MRPL21: variants seen among roughly 807,000 people sequenced by gnomAD.
MRPL21 encodes mitochondrial ribosomal protein L21.
A neutral mutation model predicts 27.3 loss-of-function variants in MRPL21; 20 were observed. That is an observed-to-expected ratio of 0.73 (90% CI 0.52 to 1.06). The LOEUF is 1.06. Among genes scored for constraint, MRPL21 ranks in the 50% least tolerant of loss-of-function variants. MRPL21 has a pLI of 0.00. For missense variants in MRPL21, 249 were observed against 251.4 expected (o/e 0.99, Z 0.06); for synonymous variants, 98 against 101.5 (o/e 0.97, Z 0.21).
chr11:68,899,823 C>T (rs1857890399), intron 2 of MRPL21, among the ~76,000 whole-genome samples: 1 of 152,178 alleles, frequency 6.6e-6, no homozygotes, highest in African/African-American at 2.4e-5. Flanking sequence ...TTCCAGCAGC[C>T]AATGTTTTGT....
At chr11:68,902,668 T>C (rs573180706) in intron 1 of MRPL21, among the ~76,000 whole-genome samples, 5 of 152,352 alleles carry the variant, frequency 3.3e-5, no homozygotes, top group Non-Finnish European at 4.4e-5. Flanking sequence ...CCAAAGTCCA[T>C]AGTCTACATT....
At chr11:68,896,421 C>G in intron 4 of MRPL21, 94 bp downstream of exon 4, 2 of 1,464,550 alleles carry the variant, frequency 1.4e-6, no homozygotes, top group Middle Eastern at 1.9e-4. Flanking sequence ...GAGACGGGGT[C>G]GGCGAGGGTC....
chr11:68,902,006 G>A (rs1036536031), intron 1 of MRPL21, among the ~76,000 whole-genome samples: 4 of 152,140 alleles, frequency 2.6e-5, no homozygotes, highest in Non-Finnish European at 5.9e-5. Context: ...AACTTAGCAG[G>A]CTTCTGTACC....
At chr11:68,896,884 GCA>G (rs1337961450) in intron 3 of MRPL21, 16 of 613,398 alleles carry the variant, frequency 2.6e-5, no homozygotes, top group Non-Finnish European at 4.6e-5. Flanking sequence ...TGCTTCAGGA[GCA>G]CCAGCACTGT....
chr11:68,902,265 T>C (rs1171846577), intron 1 of MRPL21, among the ~76,000 whole-genome samples: 1 of 152,226 alleles, frequency 6.6e-6, no homozygotes, highest in Non-Finnish European at 1.5e-5. Context: ...TGGTTTCATG[T>C]AGGTAGGTAG....
chr11:68,896,805 C>T, intron 3 of MRPL21, 127 bp from the exon 4 acceptor site: 2 of 1,287,798 alleles, frequency 1.6e-6, no homozygotes, highest in Non-Finnish European at 2.2e-6. Context: ...TTGTGAGCAC[C>T]TCACTGCTGG....
At chr11:68,899,008 G>A (rs1401580609) in intron 2 of MRPL21, among the ~76,000 whole-genome samples, 1 of 152,098 alleles carries the variant, frequency 6.6e-6, no homozygotes, top group East Asian at 1.9e-4. Flanking sequence ...GGCTGGTCTC[G>A]AACTCCTGGC....
intron 2 of MRPL21, among the ~76,000 whole-genome samples, chr11:68,898,818 C>T (rs1212238070): frequency 6.6e-6 from 1 of 152,068 alleles, no homozygotes; most frequent in African/African-American, 2.4e-5. Context: ...GACGGAGTCT[C>T]GCTCTGTCAC....
intron 2 of MRPL21, among the ~76,000 whole-genome samples, chr11:68,898,443 T>C (rs1006851723): frequency 2.6e-5 from 4 of 152,226 alleles, no homozygotes; most frequent in African/African-American, 9.6e-5. Flanking sequence ...GCAGCTCCAA[T>C]GACCCTTCAC....
In MRPL21 at chr11:68,893,449, G is replaced by C. The variant is rs1332146727; in HGVS notation, c.403C>G (p.Leu135Val). 1 of 1,614,036 alleles carries C rather than the reference G, an allele frequency of 6.2e-7. No individual in the cohort carries two copies. The highest frequency in any genetic ancestry group is 8.5e-7 in the Non-Finnish European group (1 of 1,180,034). ...AGCGTGAAGTTGTCTGCCCCAACCA[G>C]CAGGACCTGAAAAATTCAACAGGTG... ...GERIRLEKVL[L>V]VGADNFTLLG... Residue 135 changes from leucine to valine, a missense_variant, in exon 5 of 7, where the codon CTG (leucine) becomes GTG (valine). Coordinates refer to ENST00000362034, the MANE Select transcript of MRPL21 (RefSeq NM_181514.2).
At chr11:68,899,546 A>G (rs1342812492) in intron 2 of MRPL21, among the ~76,000 whole-genome samples, 1 of 152,196 alleles carries the variant, frequency 6.6e-6, no homozygotes, top group Non-Finnish European at 1.5e-5. Flanking sequence ...CAAGGAGGAC[A>G]AGGAAGGTGC....
At chr11:68,894,605 G>A (rs1483793141) in intron 4 of MRPL21, among the ~76,000 whole-genome samples, 1 of 152,130 alleles carries the variant, frequency 6.6e-6, no homozygotes, top group Non-Finnish European at 1.5e-5. Flanking sequence ...TTAGATGTTG[G>A]AGATCATCTT....
chr11:68,896,817 G>C, intron 3 of MRPL21, 139 bp from the exon 4 acceptor site: 1 of 1,130,164 alleles, frequency 8.8e-7, no homozygotes, highest in Non-Finnish European at 1.3e-6. Context: ...CACTGCTGGC[G>C]GCCCAGCCCC....
intron 2 of MRPL21, among the ~76,000 whole-genome samples, chr11:68,898,915 G>C (rs1857868933): frequency 6.6e-6 from 1 of 152,176 alleles, no homozygotes; most frequent in South Asian, 2.1e-4. Context: ...AGTCACCTTA[G>C]TAGCTGGGAT....
chr11:68,894,333 T>A (rs1051232008), intron 4 of MRPL21, among the ~76,000 whole-genome samples: 1 of 152,166 alleles, frequency 6.6e-6, no homozygotes, highest in Non-Finnish European at 1.5e-5. Flanking sequence ...CAGGCTGGAG[T>A]GCAGTGGCGT....
intron 1 of MRPL21, among the ~76,000 whole-genome samples, chr11:68,901,632 G>C (rs571767015): frequency 1.6e-4 from 25 of 152,202 alleles, no homozygotes; most frequent in Admixed American, 1.4e-3. Flanking sequence ...GGCATCCGGG[G>C]CTCAACCCTT....
intron 4 of MRPL21, among the ~76,000 whole-genome samples, chr11:68,895,002 C>T (rs898364147): frequency 1.3e-5 from 2 of 152,214 alleles, no homozygotes; most frequent in East Asian, 1.9e-4. Flanking sequence ...TGGTGGCTCA[C>T]GCCTGTAATC....
At chr11:68,898,870 C>A (rs1354663078) in intron 2 of MRPL21, among the ~76,000 whole-genome samples, 5 of 152,324 alleles carry the variant, frequency 3.3e-5, no homozygotes, top group Admixed American at 3.3e-4. Context: ...TCACTGCAAC[C>A]TCTGCCTCCA....
At chr11:68,899,039 C>T (rs139134309) in intron 2 of MRPL21, among the ~76,000 whole-genome samples, 323 of 152,270 alleles carry the variant, frequency 2.1e-3, no homozygotes, top group African/African-American at 6.6e-3. Flanking sequence ...CCGCCCACCT[C>T]GGCCTCCCAA....
Sources: gnomAD v4.1 joint callset for allele counts (sites outside exome capture counted in the v4.1 genomes callset) on GRCh38, gnomAD v4.1.1 for gene constraint, MANE v1.5 for transcripts, NCBI Gene and HGNC (gene_info 2026-07-23, HGNC 2026-07-21) for gene names.